Variants in TET1 observed in about 807,000 individuals in gnomAD.
TET1 encodes the protein tet methylcytosine dioxygenase 1, also known as methylcytosine dioxygenase TET1.
A neutral mutation model predicts 148.7 loss-of-function variants in TET1; 13 were observed. The observed-to-expected ratio is 0.09, with a 90% CI of 0.06 to 0.14. TET1 has a LOEUF of 0.14. Ranked by LOEUF, TET1 falls within the 10% of genes least tolerant of loss-of-function variation. The probability of loss-of-function intolerance (pLI) is 1.00; values close to 1 mark genes in which losing one functional copy is unlikely to be tolerated. For synonymous variants in TET1, 907 were observed against 937.2 expected, an observed-to-expected ratio of 0.97 and a Z score of 0.59; for missense variants, 2,182 against 2,553.8, an observed-to-expected ratio of 0.85 and a Z score of 3.14.
chr10:68,626,442 C>A (rs183491238), intron 3 of TET1, among the ~76,000 whole-genome samples: 7 of 152,136 alleles, frequency 4.6e-5, no homozygotes, highest in African/African-American at 1.7e-4. Context: ...CTCAAGGGAT[C>A]CTCCTGCCTC....
chr10:68,573,172 A>C lies in TET1; in HGVS notation c.834A>C (p.Glu278Asp). 1 of 1,614,170 alleles carries C rather than the reference A, an allele frequency of 6.2e-7. No homozygotes were observed. The highest frequency in any genetic ancestry group is 1.1e-5 in the South Asian group (1 of 91,080). The part of the protein sequence containing the change: ...IQLEELGSRV[E>D]SLKLSDSYLD... ...TAGAAGAGTTGGGTTCACGAGTAGA[A>C]TCTCTTAAGTTATCTGATTCTTACC... Residue 278 changes from glutamate to aspartate, a missense_variant, in exon 2 of 12, where the codon GAA becomes GAC. This residue lies in a region of TET1 where 665 missense variants were observed against 672.4 expected (regional missense o/e 0.99). Transcript: ENST00000373644.
At chr10:68,578,352 G>T (rs1316035638) in intron 2 of TET1, among the ~76,000 whole-genome samples, 1 of 152,046 alleles carries the variant, frequency 6.6e-6, no homozygotes, top group Non-Finnish European at 1.5e-5. Flanking sequence ...TCCACCTCCC[G>T]GGTTCAAGCA....
At chr10:68,599,475 C>T (rs1263412879) in intron 2 of TET1, among the ~76,000 whole-genome samples, 4 of 152,190 alleles carry the variant, frequency 2.6e-5, no homozygotes, top group Admixed American at 1.3e-4. Context: ...TAAGAGGGGT[C>T]GTGGGGGGCA....
Position 68,646,505 on chromosome 10 carries a change from C to G in TET1, c.3776C>G (p.Pro1259Arg). 12 of 1,614,066 alleles carry G rather than the reference C, an allele frequency of 7.4e-6. No individual in the cohort carries two copies. The highest frequency in any genetic ancestry group is 1.0e-5 in the Non-Finnish European group (12 of 1,180,006). The change falls in exon 4 of 12, where the codon CCA becomes CGA. Residue 1259 changes from proline to arginine, a missense_variant. Physicochemically the swap from Pro to Arg is moderately radical, Grantham distance 103. Coordinates refer to ENST00000373644, the MANE Select transcript of TET1 (RefSeq NM_030625.3). ...ESAEEKVKVEPLDSLSLFHLK... is the reference protein window; with the variant it reads ...ESAEEKVKVERLDSLSLFHLK... ...GCAGAGGAAAAGGTGAAGGTTGAAC[C>G]ATTGGATTCACTCAGCTTATTTCAT...
intron 11 of TET1, among the ~76,000 whole-genome samples, chr10:68,688,495 C>T (rs761480296): frequency 1.7e-4 from 24 of 141,028 alleles, no homozygotes; most frequent in African/African-American, 5.4e-4. Context: ...AGTGCAGTGG[C>T]GCAATCTCAG....
intron 3 of TET1, among the ~76,000 whole-genome samples, chr10:68,625,873 G>C (rs547237647): frequency 6.6e-6 from 1 of 152,080 alleles, no homozygotes; most frequent in South Asian, 2.1e-4. Context: ...GATCGCTTGA[G>C]CCCAGGAGTT....
intron 3 of TET1, among the ~76,000 whole-genome samples, chr10:68,636,279 C>T (rs999411434): frequency 5.9e-5 from 9 of 152,054 alleles, no homozygotes; most frequent in East Asian, 3.8e-4. Flanking sequence ...TCAATTTGCA[C>T]GTTAAAAAAA....
chr10:68,679,697 A>G (rs1453197588), intron 8 of TET1, among the ~76,000 whole-genome samples: 2 of 152,120 alleles, frequency 1.3e-5, no homozygotes, highest in African/African-American at 4.8e-5. Context: ...TTTTTGAGAC[A>G]GAGTCTGGCT....
At chr10:68,657,109 G>A (rs564268454) in intron 6 of TET1, among the ~76,000 whole-genome samples, 5 of 152,214 alleles carry the variant, frequency 3.3e-5, no homozygotes, top group South Asian at 2.1e-4. Context: ...AGGCTGAGGC[G>A]GGAGGACCAC....
In TET1 at chr10:68,560,400, C is replaced by T. The variant is rs543600121; in HGVS notation, c.-465C>T. On this transcript the variant is annotated 5_prime_UTR_variant, in exon 1 of 12. Coordinates refer to ENST00000373644, the MANE Select transcript of TET1 (RefSeq NM_030625.3). Reference sequence around the variant, plus strand: ...GGGGGGCTGACCTGGCGGGGAGTGGCCGCGCAGTCTGCTCCGGCGCCGCTT... The same window carrying T: ...GGGGGGCTGACCTGGCGGGGAGTGGTCGCGCAGTCTGCTCCGGCGCCGCTT... Among the ~76,000 whole-genome samples the T allele has an allele frequency of 6.6e-6, 1 of 152,152 alleles. No individual in the cohort carries two copies. The highest frequency in any genetic ancestry group is 2.4e-5 in the African/African-American group (1 of 41,462).
At chr10:68,601,167 CAACTA>C (rs2054050676) in intron 3 of TET1, 133 bp downstream of exon 3, 1 of 719,832 alleles carries the variant, frequency 1.4e-6, no homozygotes. Context: ...AATTTCCACT[CAACTA>C]AAGTGTTTTC....
At chr10:68,652,155 A>T (rs2054945426) in intron 5 of TET1, among the ~76,000 whole-genome samples, 1 of 152,198 alleles carries the variant, frequency 6.6e-6, no homozygotes, top group Non-Finnish European at 1.5e-5. Flanking sequence ...AAGCAAGACT[A>T]GTTGTCTTTG....
At chr10:68,575,031 A>G (rs1590161241) in intron 2 of TET1, among the ~76,000 whole-genome samples, 1 of 152,226 alleles carries the variant, frequency 6.6e-6, no homozygotes, top group Admixed American at 6.5e-5. Flanking sequence ...TAGATCACGC[A>G]TTAAAGTTAT....
chr10:68,625,279 T>C (rs1011000671), intron 3 of TET1, among the ~76,000 whole-genome samples: 1 of 152,234 alleles, frequency 6.6e-6, no homozygotes, highest in Non-Finnish European at 1.5e-5. Context: ...TTGCACTGTC[T>C]CAAGCCGATT....
intron 3 of TET1, among the ~76,000 whole-genome samples, chr10:68,631,647 T>G (rs1317912041): frequency 2.0e-5 from 3 of 151,968 alleles, no homozygotes; most frequent in Non-Finnish European, 4.4e-5. Context: ...GATTTACAGA[T>G]CTCCAAACTT....
At chr10:68,590,049 G>A (rs962315604) in intron 2 of TET1, among the ~76,000 whole-genome samples, 4 of 152,176 alleles carry the variant, frequency 2.6e-5, no homozygotes, top group African/African-American at 9.7e-5. Flanking sequence ...ATTAGTGGCA[G>A]CCATGGTTCT....
chr10:68,645,139 A>G lies in TET1; in HGVS notation c.2410A>G (p.Met804Val), dbSNP rs978163164. 3.7e-6 allele frequency: 6 copies of G among 1,614,030 alleles called. No individual in the cohort carries two copies. Among genetic ancestry groups the G allele is most frequent in the Non-Finnish European group, 5.1e-6 (6 of 1,179,870 alleles). The change falls in exon 4 of 12, where the codon ATG (methionine) becomes GTG (valine). Residue 804 changes from methionine (M) to valine (V), a missense_variant. This residue lies in a region of TET1 where 226 missense variants were observed against 307.4 expected (regional missense o/e 0.74). Coordinates refer to ENST00000373644, the MANE Select transcript of TET1 (RefSeq NM_030625.3). ...LKDTANHKNA[M>V]SSVATDMSCD... The stretch of plus-strand genomic sequence containing the variant: ...AGACACTGCAAACCATAAAAACGCT[A>G]TGAGCTCTGTTGCTACTGATATGAG...
chr10:68,668,311 T>C (rs1323187783), intron 7 of TET1, among the ~76,000 whole-genome samples: 3 of 152,168 alleles, frequency 2.0e-5, no homozygotes, highest in Non-Finnish European at 4.4e-5. Context: ...GGATGTTGAG[T>C]GGTATTTAGG....
intron 3 of TET1, among the ~76,000 whole-genome samples, chr10:68,642,220 A>C (rs1835659287): frequency 6.6e-6 from 1 of 152,166 alleles, no homozygotes; most frequent in South Asian, 2.1e-4. Flanking sequence ...TCAGTCCAGC[A>C]CTTCAAAATC....
Sources: allele counts gnomAD v4.1 joint callset (sites outside exome capture counted in the v4.1 genomes callset), GRCh38; gene constraint gnomAD v4.1.1; regional missense constraint gnomAD v4.1.1; transcripts MANE v1.5; gene names NCBI Gene and HGNC (gene_info 2026-07-23, HGNC 2026-07-21).